The following FRMD4A variants were observed in gnomAD, a reference collection of about 807,000 sequenced individuals.
FRMD4A encodes the protein FERM domain-containing protein 4A.
In FRMD4A, 29 loss-of-function variants were observed where a neutral mutation model predicts 129.1. The observed-to-expected ratio is 0.22, with a 90% CI of 0.17 to 0.31. The LOEUF (loss-of-function observed/expected upper bound fraction) is 0.31, where lower values mean the gene tolerates loss of function less well. Among genes scored for constraint, FRMD4A ranks in the 10% least tolerant of loss-of-function variants. The pLI, the probability that FRMD4A is intolerant of heterozygous loss-of-function variation, is 1.00. For synonymous variants in FRMD4A, 634 were observed against 571.6 expected, an observed-to-expected ratio of 1.11 and a Z score of -1.56; for missense variants, 1,272 against 1,375.8, an observed-to-expected ratio of 0.92 and a Z score of 1.19.
intron 2 of FRMD4A, among the ~76,000 whole-genome samples, chr10:14,012,191 G>C (rs2131636680): frequency 6.6e-6 from 1 of 150,724 alleles, no homozygotes; most frequent in Middle Eastern, 3.4e-3. Context: ...AGGGATGGGG[G>C]GCAGTCAACA....
chr10:13,998,278 G>T (rs912025333), intron 2 of FRMD4A, among the ~76,000 whole-genome samples: 2 of 152,190 alleles, frequency 1.3e-5, no homozygotes, highest in African/African-American at 4.8e-5. Flanking sequence ...GCCCTGCTTT[G>T]TAATGTTTGC....
chr10:13,686,120 G>A (rs536791075), intron 15 of FRMD4A, among the ~76,000 whole-genome samples: 28 of 152,318 alleles, frequency 1.8e-4, no homozygotes, highest in Admixed American at 6.5e-4. Flanking sequence ...CTTTGGCTGC[G>A]CCCTGGGGCA....
At chr10:14,229,876 C>T (rs1438308595) in intron 2 of FRMD4A, among the ~76,000 whole-genome samples, 2 of 152,216 alleles carry the variant, frequency 1.3e-5, no homozygotes, top group Admixed American at 6.5e-5. Flanking sequence ...TCTAGCTATC[C>T]TGTCCTCTCT....
In FRMD4A at chr10:13,911,016, G is replaced by T. The variant is rs192484690; in HGVS notation, c.46-52104C>A. Among the ~76,000 whole-genome samples, 3 of 151,698 alleles carry T rather than the reference G, an allele frequency of 2.0e-5. No individual in the cohort carries two copies. In the East Asian group the frequency reaches 5.8e-4, roughly 29 times the overall value. ...ATTTGACTTCAAAATTGTATTCTAG[G>T]TATATCCTTTTCCTTCTCAGCCAGG... On this transcript the variant is annotated intron_variant, in intron 2 of 24. Transcript: ENST00000357447.
At chr10:13,862,132 C>T (rs2094303004) in intron 2 of FRMD4A, among the ~76,000 whole-genome samples, 3 of 151,920 alleles carry the variant, frequency 2.0e-5, no homozygotes, top group South Asian at 2.1e-4. Context: ...AGAAAAGTCT[C>T]GACAGAGAAT....
intron 2 of FRMD4A, among the ~76,000 whole-genome samples, chr10:14,199,059 ATCCTTTCTTATCCAGTCCATTTCT>A (rs1170085646): frequency 1.2e-4 from 19 of 152,064 alleles, no homozygotes; most frequent in African/African-American, 4.6e-4. Context: ...AAAATTAATT[ATCCTTTCTTATCCAGTCCATTTCT>A]TCCTTTCTTA....
At chr10:14,276,884 T>C (rs1845360504) in intron 2 of FRMD4A, among the ~76,000 whole-genome samples, 1 of 152,202 alleles carries the variant, frequency 6.6e-6, no homozygotes, top group Non-Finnish European at 1.5e-5. Context: ...TTTATTTATT[T>C]GAGTCAGGGT....
At chr10:14,038,212 T>A (rs9663231) in intron 2 of FRMD4A, among the ~76,000 whole-genome samples, 31,484 of 151,974 alleles carry the variant, frequency 0.21, 3,739 homozygotes, top group East Asian at 0.43. Context: ...AGTCCCAGCT[T>A]CTCGGGAGGC....
intron 2 of FRMD4A, among the ~76,000 whole-genome samples, chr10:14,010,451 C>G (rs2095677493): frequency 6.6e-6 from 1 of 152,100 alleles, no homozygotes; most frequent in African/African-American, 2.4e-5. Context: ...CACATCCTTC[C>G]CTTGGGAGGC....
intron 14 of FRMD4A, among the ~76,000 whole-genome samples, chr10:13,696,992 T>C (rs1252348462): frequency 6.6e-6 from 1 of 152,206 alleles, no homozygotes; most frequent in Non-Finnish European, 1.5e-5. Flanking sequence ...AACCAGATAT[T>C]TTGGGGACCT....
intron 6 of FRMD4A, among the ~76,000 whole-genome samples, chr10:13,781,212 G>A (rs1174532063): frequency 3.3e-5 from 5 of 149,468 alleles, no homozygotes; most frequent in Non-Finnish European, 5.9e-5. Flanking sequence ...GGTGAAGTAG[G>A]AGGATCACTT....
At chr10:13,897,981 C>T (rs1310132186) in intron 2 of FRMD4A, among the ~76,000 whole-genome samples, 1 of 148,818 alleles carries the variant, frequency 6.7e-6, no homozygotes, top group Non-Finnish European at 1.5e-5. Flanking sequence ...TTAGGCACAG[C>T]AAAGGATCCT....
At chr10:14,306,646 A>G (rs1436114792) in intron 2 of FRMD4A, among the ~76,000 whole-genome samples, 2 of 152,236 alleles carry the variant, frequency 1.3e-5, no homozygotes, top group African/African-American at 4.8e-5. Flanking sequence ...TATGAAGTTC[A>G]TTGTTTGATC....
intron 3 of FRMD4A, among the ~76,000 whole-genome samples, chr10:13,843,468 TAA>T (rs1449178060): frequency 6.6e-6 from 1 of 152,146 alleles, no homozygotes; most frequent in African/African-American, 2.4e-5. Context: ...TCCTCTATGA[TAA>T]AAAGAGTCAC....
intron 8 of FRMD4A, among the ~76,000 whole-genome samples, chr10:13,756,877 A>G (rs1225029608): frequency 6.6e-6 from 1 of 152,224 alleles, no homozygotes; most frequent in Non-Finnish European, 1.5e-5. Flanking sequence ...AAATTAAATT[A>G]GAATATAACT....
intron 2 of FRMD4A, among the ~76,000 whole-genome samples, chr10:13,904,992 C>CA (rs397772526): frequency 0.015 from 1,589 of 109,402 alleles, 44 homozygotes; most frequent in African/African-American, 0.053. Context: ...GACTCTATCT[C>CA]AAAAAAAAAA....
intron 4 of FRMD4A, among the ~76,000 whole-genome samples, chr10:13,802,838 G>C (rs1308619650): frequency 2.0e-5 from 3 of 152,094 alleles, no homozygotes. Context: ...TCAAATGGAA[G>C]AATGTTGATA....
At chr10:13,893,962 A>C (rs1304650925) in intron 2 of FRMD4A, among the ~76,000 whole-genome samples, 1 of 152,126 alleles carries the variant, frequency 6.6e-6, no homozygotes, top group Non-Finnish European at 1.5e-5. Context: ...TCCTGCCTCC[A>C]GGCTCCCTCT....
At chr10:14,299,699 G>A (rs1394053537) in intron 2 of FRMD4A, among the ~76,000 whole-genome samples, 5 of 152,158 alleles carry the variant, frequency 3.3e-5, no homozygotes, top group Admixed American at 2.0e-4. Context: ...GGAACTCAAT[G>A]AGCCGCCTCA....
Sources: allele counts gnomAD v4.1 joint callset (sites outside exome capture counted in the v4.1 genomes callset), GRCh38; gene constraint gnomAD v4.1.1; transcripts MANE v1.5; gene names NCBI Gene and HGNC (gene_info 2026-07-23, HGNC 2026-07-21).